NEURL1B: variants seen among roughly 807,000 people sequenced by gnomAD.
NEURL1B encodes the protein neuralized E3 ubiquitin protein ligase 1B, also known as E3 ubiquitin-protein ligase NEURL1B.
In NEURL1B, 13 loss-of-function variants were observed where a neutral mutation model predicts 37.4. The ratio of observed to expected loss-of-function variants is 0.35; its 90% CI spans 0.23 to 0.55. NEURL1B has a LOEUF of 0.55. Ranked by LOEUF, NEURL1B falls within the 20% of genes least tolerant of loss-of-function variation. The pLI is 0.89. For missense variants in NEURL1B, 790 were observed against 879.2 expected, an observed-to-expected ratio of 0.90 and a Z score of 1.28; for synonymous variants, 432 against 426.6, an observed-to-expected ratio of 1.01 and a Z score of -0.16.
At position 172,684,038 on chromosome 5, in the gene NEURL1B, C is replaced by G; in HGVS notation, c.1197C>G (p.Asn399Lys). 1.5e-6 allele frequency: 2 copies of G among 1,335,206 alleles called. No individual in the cohort carries two copies. Among genetic ancestry groups the G allele is most frequent in the South Asian group, 3.5e-5 (2 of 57,732 alleles). The allele number at this position is 1,335,206 out of a possible 1,614,324, so 82.7% of individuals were successfully genotyped here. ...GCGGCGACGTGCTCCTGGGCATCAA[C>G]GGGCGTCCGCGCGGCCGCCTGCTGT... ...RPGGDVLLGI[N>K]GRPRGRLLCV... is the part of the protein sequence containing the mutation. The change falls in exon 3 of 5, where the codon AAC (asparagine) becomes AAG (lysine). Residue 399 changes from asparagine (N) to lysine (K), a missense_variant. By Grantham distance (94) the Asn-to-Lys change is moderately conservative. Coordinates refer to ENST00000369800, the MANE Select transcript of NEURL1B (RefSeq NM_001142651.3).
chr5:172,687,226 G>A lies in NEURL1B; in HGVS notation c.*301G>A, dbSNP rs946175156. On this transcript the variant is annotated 3_prime_UTR_variant, in exon 5 of 5. Coordinates refer to ENST00000369800, the MANE Select transcript of NEURL1B (RefSeq NM_001142651.3). ...AAACAGCGTCCTCTGTCTGTGCAAT[G>A]CTTCTTGCTGGGGTTGGGTTGAGTG... The A allele has an allele frequency of 3.6e-6, 1 of 279,652 alleles. No individual in the cohort carries two copies. The highest frequency in any genetic ancestry group is 2.2e-5 in the African/African-American group (1 of 45,480). 17.3% of individuals were successfully genotyped at this position (279,652 alleles called of 1,614,324 possible). A position where few individuals can be genotyped will look rare whatever the true frequency, so the allele number is the denominator to read the frequency against.
chr5:172,645,604 T>TCTCCTCCCCCTTCCC (rs1757544934), intron 1 of NEURL1B, among the ~76,000 whole-genome samples: 1 of 152,220 alleles, frequency 6.6e-6, no homozygotes, highest in Non-Finnish European at 1.5e-5. Context: ...CTTCTCTTTC[T>TCTCCTCCCCCTTCCC]ACCTCTCCTC....
chr5:172,682,404 G>A (rs1411774858), intron 2 of NEURL1B, among the ~76,000 whole-genome samples: 1 of 152,096 alleles, frequency 6.6e-6, no homozygotes, highest in Non-Finnish European at 1.5e-5. Flanking sequence ...GCAAAGCTCC[G>A]TCTCTACTAA....
At position 172,689,018 on chromosome 5, in the gene NEURL1B, G is replaced by C. The variant is rs1265246740; in HGVS notation, c.*2093G>C. On this transcript the variant is annotated 3_prime_UTR_variant, in exon 5 of 5. Transcript: ENST00000369800. ...GGCTGCCCCTTTGGGTTCCAGCCGG[G>C]GTCACGTCCAGCCTCCACTGGGAAA... The C allele has an allele frequency of 6.6e-6, 1 of 152,276 alleles. No individual in the cohort carries two copies. Among genetic ancestry groups the C allele is most frequent in the South Asian group, 2.1e-4 (1 of 4,840 alleles). 9.4% of individuals were successfully genotyped at this position (152,276 alleles called of 1,614,324 possible).
Position 172,684,157 on chromosome 5 carries a change from G to A in NEURL1B, c.1297+19G>A. The A allele has an allele frequency of 8.2e-7, 1 of 1,219,274 alleles. No individual in the cohort carries two copies. Among genetic ancestry groups the A allele is most frequent in the Non-Finnish European group, 1.0e-6 (1 of 979,104 alleles). 75.5% of individuals were successfully genotyped at this position (1,219,274 alleles called of 1,614,324 possible). A position where few individuals can be genotyped will look rare whatever the true frequency, so the allele number is the denominator to read the frequency against. ...CTCCTCGGTGAGTCCCCGGCCCCGC[G>A]TGCGCGAGGCCCCGCCCCTCCCCCG... On this transcript the variant is annotated intron_variant, in intron 3 of 4. Transcript: ENST00000369800.
Position 172,686,442 on chromosome 5 carries a change from G to A in NEURL1B, c.1423+146G>A. On this transcript the variant is annotated intron_variant, in intron 4 of 4. Coordinates refer to ENST00000369800, the MANE Select transcript of NEURL1B (RefSeq NM_001142651.3). This position sits in a 1 kb window ranked among gnomAD's most constrained non-coding sequence, Gnocchi z 7.9. ...CCCTCAGCTGTATGCTCAGCTGGAG[G>A]GAGGAGAAGTGTCTAGATAGGGCAT... 1 of 974,562 alleles carries A rather than the reference G, an allele frequency of 1.0e-6. No homozygotes were observed. Among genetic ancestry groups the A allele is most frequent in the South Asian group, 1.7e-5 (1 of 59,934 alleles). The allele number at this position is 974,562 out of a possible 1,614,324, so 60.4% of individuals were successfully genotyped here.
In NEURL1B at chr5:172,664,204, C is replaced by T. The variant is rs1168757239; in HGVS notation, c.32-5581C>T. ...AAAGTTAGGACAGGGGGAAAAAGCA[C>T]GGGCTTGAGGTCAGACAGGCTGGGG... On this transcript the variant is annotated intron_variant, in intron 1 of 4. Transcript: ENST00000369800. Among the ~76,000 whole-genome samples the T allele has an allele frequency of 2.6e-5, 4 of 152,250 alleles. No individual in the cohort carries two copies. In the South Asian group the frequency reaches 6.2e-4, roughly 24 times the overall value.
In NEURL1B at chr5:172,686,155, T is replaced by A; in HGVS notation, c.1298-16T>A. On this transcript the variant is annotated splice_polypyrimidine_tract_variant and intron_variant, in intron 3 of 4. Coordinates refer to ENST00000369800, the MANE Select transcript of NEURL1B (RefSeq NM_001142651.3). This position sits in a 1 kb window ranked among gnomAD's most constrained non-coding sequence, Gnocchi z 7.9. Reference sequence around the variant, plus strand: ...CAACCTTCCACTGCCCCTGATGGAATCTCTTTGGGCCTCAGGTACCCTGCA... The same window carrying A: ...CAACCTTCCACTGCCCCTGATGGAAACTCTTTGGGCCTCAGGTACCCTGCA... 6.4e-7 allele frequency: 1 copy of A among 1,551,076 alleles called. No homozygotes were observed. The highest frequency in any genetic ancestry group is 8.7e-7 in the Non-Finnish European group (1 of 1,146,720).
intron 3 of NEURL1B, among the ~76,000 whole-genome samples, chr5:172,685,645 A>G (rs2113338235): frequency 6.6e-6 from 1 of 152,308 alleles, no homozygotes; most frequent in African/African-American, 2.4e-5. Context: ...TAGGTACTGG[A>G]AGGATATCAG....
chr5:172,671,829 C>T (rs1393196422), intron 2 of NEURL1B, among the ~76,000 whole-genome samples: 2 of 152,238 alleles, frequency 1.3e-5, no homozygotes, highest in African/African-American at 4.8e-5. Context: ...AAGATTCATG[C>T]ATCCAAGCTA....
At chr5:172,654,720 G>A (rs779395564) in intron 1 of NEURL1B, among the ~76,000 whole-genome samples, 9 of 152,082 alleles carry the variant, frequency 5.9e-5, no homozygotes, top group Non-Finnish European at 4.4e-5. Flanking sequence ...CCATCCGCAG[G>A]GTACTGGGTT....
intron 1 of NEURL1B, among the ~76,000 whole-genome samples, chr5:172,666,576 C>T (rs548404449): frequency 7.9e-5 from 12 of 152,114 alleles, no homozygotes; most frequent in Non-Finnish European, 1.3e-4. Flanking sequence ...GGAGTGAGGT[C>T]GATCCACTAG....
In NEURL1B at chr5:172,676,387, C is replaced by T. The variant is rs1758233215; in HGVS notation, c.577+6057C>T. ...CCAGTCTTGCATCCCACGAGCTTAACAAATCCAACAGAAGAGCTGCTTTCC... is the reference window on the plus strand; with the variant it reads ...CCAGTCTTGCATCCCACGAGCTTAATAAATCCAACAGAAGAGCTGCTTTCC... On this transcript the variant is annotated intron_variant, in intron 2 of 4. Coordinates refer to ENST00000369800, the MANE Select transcript of NEURL1B (RefSeq NM_001142651.3). The surrounding 1 kb of genome is among the most constrained non-coding windows in gnomAD (Gnocchi z 4.5). Among the ~76,000 whole-genome samples, 1 of 152,214 alleles carries T rather than the reference C, an allele frequency of 6.6e-6. No homozygotes were observed. Among genetic ancestry groups the T allele is most frequent in the African/African-American group, 2.4e-5 (1 of 41,448 alleles).
rs1757985365 is a variant in NEURL1B, at chr5:172,665,128, A to G, written c.32-4657A>G. Among the ~76,000 whole-genome samples, 1 of 152,220 alleles carries G rather than the reference A, an allele frequency of 6.6e-6. No homozygotes were observed. Among genetic ancestry groups the G allele is most frequent in the Non-Finnish European group, 1.5e-5 (1 of 68,038 alleles). On this transcript the variant is annotated intron_variant, in intron 1 of 4. Transcript: ENST00000369800. The surrounding 1 kb of genome is among the most constrained non-coding windows in gnomAD (Gnocchi z 4.1). ...ACAACAGTGATGGGGAGGGGAGATA[A>G]AAATAATCAAATAAGGGTGGCCATG... is the stretch of plus-strand genomic sequence containing the variant.
chr5:172,687,075 A>T lies in NEURL1B; in HGVS notation c.*150A>T. The T allele has an allele frequency of 2.1e-6, 2 of 937,958 alleles. No homozygotes were observed. The highest frequency in any genetic ancestry group is 3.1e-6 in the Non-Finnish European group (2 of 646,326). The allele number at this position is 937,958 out of a possible 1,614,324, so 58.1% of individuals were successfully genotyped here. On this transcript the variant is annotated 3_prime_UTR_variant, in exon 5 of 5. Transcript: ENST00000369800. ...GTGACAGTCGTGGAGCGAGGCCCAC[A>T]GGGCCTCAGCCCAGGCAGGGGTTGC...
Position 172,642,886 on chromosome 5 carries a change from G to A in NEURL1B, c.31+1449G>A, listed in dbSNP as rs112130162. Among the ~76,000 whole-genome samples the A allele has an allele frequency of 6.1e-4, 93 of 152,346 alleles. 1 individual carries two copies. The highest frequency in any genetic ancestry group is 2.1e-3 in the African/African-American group (86 of 41,574). On this transcript the variant is annotated intron_variant, in intron 1 of 4. Transcript: ENST00000369800. ...CACCCGCGGGTCAGGAGATATCTGG[G>A]GATGTTGGCAAATAGGGCAGCAGAT...
At chr5:172,674,626 T>C (rs1307998853) in intron 2 of NEURL1B, among the ~76,000 whole-genome samples, 2 of 152,186 alleles carry the variant, frequency 1.3e-5, no homozygotes, top group African/African-American at 4.8e-5. Flanking sequence ...TTAGGATTTC[T>C]TAAGGGCCCC....
chr5:172,683,932 A>C lies in NEURL1B; in HGVS notation c.1091A>C (p.Asp364Ala). Residue 364 changes from aspartate to alanine, a missense_variant, in exon 3 of 5, where the codon GAC becomes GCC. This residue lies in a region of NEURL1B where 460 missense variants were observed against 407.4 expected (regional missense o/e 1.13). Coordinates refer to ENST00000369800, the MANE Select transcript of NEURL1B (RefSeq NM_001142651.3). The surrounding 1 kb of genome is among the most constrained non-coding windows in gnomAD (Gnocchi z 5.6). ...CCCGCCGACCCAGACGCGCTGCTCGACCGCAAAGAGTACTGGGTGGTGGCG... is the reference window on the plus strand; with the variant it reads ...CCCGCCGACCCAGACGCGCTGCTCGCCCGCAAAGAGTACTGGGTGGTGGCG... ...ELPADPDALL[D>A]RKEYWVVARA... 7.1e-7 allele frequency: 1 copy of C among 1,405,028 alleles called. No homozygotes were observed. Among genetic ancestry groups the C allele is most frequent in the Non-Finnish European group, 9.3e-7 (1 of 1,074,042 alleles). The allele number at this position is 1,405,028 out of a possible 1,614,324, so 87.0% of individuals were successfully genotyped here. A position where few individuals can be genotyped will look rare whatever the true frequency, so the allele number is the denominator to read the frequency against.
Position 172,687,265 on chromosome 5 carries a change from G to GGGGAGGGA in NEURL1B, c.*346_*353dup, listed in dbSNP as rs111528246. ...TTGGGTTGAGTGTGAGAGAAGGGGA[G>GGGGAGGGA]GGGAGGGAGGGAGAACAGAGAGAAT... On this transcript the variant is annotated 3_prime_UTR_variant, in exon 5 of 5. Coordinates refer to ENST00000369800, the MANE Select transcript of NEURL1B (RefSeq NM_001142651.3). The GGGGAGGGA allele has an allele frequency of 4.8e-6, 1 of 209,544 alleles. No homozygotes were observed. Among genetic ancestry groups the GGGGAGGGA allele is most frequent in the African/African-American group, 2.3e-5 (1 of 42,902 alleles). The allele number at this position is 209,544 out of a possible 1,614,324, so 13.0% of individuals were successfully genotyped here. A position where few individuals can be genotyped will look rare whatever the true frequency, so the allele number is the denominator to read the frequency against.
Sources: allele counts gnomAD v4.1 joint callset (sites outside exome capture counted in the v4.1 genomes callset), GRCh38; gene constraint gnomAD v4.1.1; regional missense constraint gnomAD v4.1.1; non-coding constraint Gnocchi (gnomAD v3.1); transcripts MANE v1.5; gene names NCBI Gene and HGNC (gene_info 2026-07-23, HGNC 2026-07-21).